The following NID2 variants were observed in gnomAD, a reference collection of about 807,000 sequenced individuals.
NID2 encodes the protein nidogen-2.
Under a neutral mutation model 145.4 loss-of-function variants are expected in NID2, and 83 were observed. The ratio of observed to expected loss-of-function variants is 0.57; its 90% CI spans 0.48 to 0.69. The LOEUF (loss-of-function observed/expected upper bound fraction) is 0.69, where lower values mean the gene tolerates loss of function less well. Among genes scored for constraint, NID2 ranks in the 30% least tolerant of loss-of-function variants. The probability of loss-of-function intolerance (pLI) is 0.00; values close to 1 mark genes in which losing one functional copy is unlikely to be tolerated. For synonymous variants in NID2, 739 were observed against 701.3 expected, an observed-to-expected ratio of 1.05 and a Z score of -0.85; for missense variants, 1,807 against 1,765.7, an observed-to-expected ratio of 1.02 and a Z score of -0.42.
At chr14:52,028,656 A>C in intron 11 of NID2, 66 bp downstream of exon 11, 2 of 1,550,778 alleles carry the variant, frequency 1.3e-6, no homozygotes, top group Non-Finnish European at 1.7e-6. Flanking sequence ...CAAAACACTG[A>C]CAGATTAAAG....
intron 9 of NID2, among the ~76,000 whole-genome samples, chr14:52,032,340 C>A (rs1218573041): frequency 6.6e-6 from 1 of 152,184 alleles, no homozygotes; most frequent in Non-Finnish European, 1.5e-5. Context: ...ATAATTCCAG[C>A]ACTTTTTAAA....
At chr14:52,009,925 TGTA>T (rs779261449) in intron 18 of NID2, 1 of 151,156 alleles carries the variant, frequency 6.6e-6, no homozygotes, top group Non-Finnish European at 1.5e-5. Context: ...AGATGGAGGT[TGTA>T]GTCAGCCGAG....
chr14:52,047,734 A>G (rs746751831), intron 5 of NID2, among the ~76,000 whole-genome samples: 3 of 152,050 alleles, frequency 2.0e-5, no homozygotes, highest in Non-Finnish European at 4.4e-5. Context: ...AGTTACTGAG[A>G]TAGGGAGACT....
intron 16 of NID2, among the ~76,000 whole-genome samples, chr14:52,012,479 T>A (rs1284619926): frequency 6.6e-6 from 1 of 152,104 alleles, no homozygotes; most frequent in Non-Finnish European, 1.5e-5. Context: ...GCACCTGTAG[T>A]CCCAGCTACT....
At chr14:52,065,640 G>A (rs1424289593) in intron 2 of NID2, among the ~76,000 whole-genome samples, 1 of 108,270 alleles carries the variant, frequency 9.2e-6, no homozygotes, top group Non-Finnish European at 1.8e-5. Flanking sequence ...ATCTCCCAAT[G>A]CTATCCCTCC....
intron 8 of NID2, among the ~76,000 whole-genome samples, 192 bp downstream of exon 8, chr14:52,040,459 T>C (rs981150101): frequency 5.3e-5 from 8 of 152,248 alleles, no homozygotes; most frequent in African/African-American, 1.9e-4. Flanking sequence ...GATATTCTTA[T>C]GTATAGCAGC....
chr14:52,036,903 T>C (rs1473927041), intron 9 of NID2, among the ~76,000 whole-genome samples: 3 of 152,164 alleles, frequency 2.0e-5, no homozygotes, highest in African/African-American at 7.2e-5. Flanking sequence ...AAATATCACA[T>C]GATTTAAAAT....
intron 9 of NID2, among the ~76,000 whole-genome samples, chr14:52,030,134 C>T (rs1366622858): frequency 2.0e-5 from 3 of 152,126 alleles, no homozygotes; most frequent in African/African-American, 7.2e-5. Flanking sequence ...GACTCAGACT[C>T]CAACTTCCTG....
chr14:52,013,741 ACACT>A (rs1276555478), intron 16 of NID2, among the ~76,000 whole-genome samples: 2 of 152,086 alleles, frequency 1.3e-5, no homozygotes, highest in Non-Finnish European at 2.9e-5. Flanking sequence ...CCAGCATCAC[ACACT>A]CCTCAAGTTT....
At chr14:52,058,776 G>A (rs1892933427) in intron 3 of NID2, among the ~76,000 whole-genome samples, 1 of 152,082 alleles carries the variant, frequency 6.6e-6, no homozygotes, top group African/African-American at 2.4e-5. Context: ...TGCAGGACCA[G>A]TGTCTTAGAA....
chr14:52,062,112 A>G (rs1251051307), intron 2 of NID2, among the ~76,000 whole-genome samples: 2 of 152,198 alleles, frequency 1.3e-5, no homozygotes, highest in African/African-American at 4.8e-5. Flanking sequence ...CTCTTTTCTA[A>G]TGTTAATTTT....
At chr14:52,033,108 A>G (rs2140385878) in intron 9 of NID2, among the ~76,000 whole-genome samples, 1 of 152,338 alleles carries the variant, frequency 6.6e-6, no homozygotes, top group Middle Eastern at 3.4e-3. Flanking sequence ...CTCATTCTCT[A>G]TGACTTGTAA....
In NID2 at chr14:52,005,516, G is replaced by T; in HGVS notation, c.4118-20C>A. ...TTCTTCCTGTGAGAGAAGAGCAGGG[G>T]TGGGACAGGGTGGTGGGTGAGTATA... On this transcript the variant is annotated intron_variant, in intron 21 of 21. Coordinates refer to ENST00000216286, the MANE Select transcript of NID2 (RefSeq NM_007361.4). The T allele has an allele frequency of 6.3e-7, 1 of 1,594,340 alleles. No individual in the cohort carries two copies.
intron 10 of NID2, among the ~76,000 whole-genome samples, chr14:52,029,138 T>C (rs954219649): frequency 4.6e-5 from 7 of 152,054 alleles, no homozygotes; most frequent in Non-Finnish European, 7.4e-5. Flanking sequence ...AAACCAACAA[T>C]TTTTTTTAAT....
intron 5 of NID2, among the ~76,000 whole-genome samples, chr14:52,051,470 T>C (rs1441203547): frequency 1.3e-5 from 2 of 152,154 alleles, no homozygotes; most frequent in African/African-American, 4.8e-5. Flanking sequence ...ACCAAAACCA[T>C]GTGCTTTCTA....
At chr14:52,040,940 G>C (rs935984091) in intron 7 of NID2, 89 bp from the exon 8 acceptor site, 51 of 1,126,524 alleles carry the variant, frequency 4.5e-5, no homozygotes, top group Non-Finnish European at 6.6e-5. Flanking sequence ...AATTTCTACT[G>C]CTGTTGGAGA....
At chr14:52,066,443 C>A (rs1380233529) in intron 2 of NID2, among the ~76,000 whole-genome samples, 14 of 151,906 alleles carry the variant, frequency 9.2e-5, no homozygotes, top group Non-Finnish European at 8.8e-5. Flanking sequence ...TTTTAAATAA[C>A]TAAGAGTGTA....
intron 9 of NID2, among the ~76,000 whole-genome samples, chr14:52,033,811 C>T (rs1344222922): frequency 6.6e-6 from 1 of 152,116 alleles, no homozygotes; most frequent in Non-Finnish European, 1.5e-5. Context: ...CACACATTGC[C>T]TCTTTCAAAG....
rs111845598 is a variant in NID2, at chr14:52,044,801, G to C, written c.1430-1870C>G. On this transcript the variant is annotated intron_variant, in intron 5 of 21. Transcript: ENST00000216286. ...CTTTATTTTTTGGTAGGGTGGGTTGGGGGGAGGGGTCTCCCTGCGTTGCCC... is the reference window on the plus strand; with the variant it reads ...CTTTATTTTTTGGTAGGGTGGGTTGCGGGGAGGGGTCTCCCTGCGTTGCCC... Among the ~76,000 whole-genome samples, 423 of 151,946 alleles carry C rather than the reference G, an allele frequency of 2.8e-3. 1 individual carries two copies. The highest frequency in any genetic ancestry group is 3.6e-3 in the Non-Finnish European group (243 of 67,980).
Sources: gnomAD v4.1 joint callset for allele counts (sites outside exome capture counted in the v4.1 genomes callset) on GRCh38, gnomAD v4.1.1 for gene constraint, MANE v1.5 for transcripts, NCBI Gene and HGNC (gene_info 2026-07-23, HGNC 2026-07-21) for gene names.